Variants in SLC16A14 observed in about 807,000 individuals in gnomAD.
The protein encoded by SLC16A14 is monocarboxylate transporter 14.
Under a neutral mutation model 35.8 loss-of-function variants are expected in SLC16A14, and 14 were observed. That is an observed-to-expected ratio of 0.39 (90% confidence interval 0.26 to 0.61). SLC16A14 has a LOEUF of 0.61. Ranked by LOEUF, SLC16A14 falls within the 20% of genes least tolerant of loss-of-function variation. The pLI, the probability that SLC16A14 is intolerant of heterozygous loss-of-function variation, is 0.51. For missense variants in SLC16A14, 533 were observed against 655.0 expected, an observed-to-expected ratio of 0.81 and a Z score of 2.03; for synonymous variants, 248 against 258.9, an observed-to-expected ratio of 0.96 and a Z score of 0.40.
At chr2:230,055,888 T>C (rs2077699682) in intron 2 of SLC16A14, among the ~76,000 whole-genome samples, 1 of 152,224 alleles carries the variant, frequency 6.6e-6, no homozygotes, top group South Asian at 2.1e-4. Context: ...AGCTGGATTT[T>C]AAGTGTTCTA....
chr2:230,067,571 T>TCTCA (rs1269765776), intron 1 of SLC16A14, among the ~76,000 whole-genome samples: 26 of 143,822 alleles, frequency 1.8e-4, no homozygotes, highest in African/African-American at 7.2e-4. Context: ...TCTCTCTCTC[T>TCTCA]CACACACACA....
intron 2 of SLC16A14, among the ~76,000 whole-genome samples, chr2:230,057,840 A>C (rs990790229): frequency 2.0e-5 from 3 of 152,166 alleles, no homozygotes; most frequent in African/African-American, 7.2e-5. Flanking sequence ...CAGCCTGGCC[A>C]ACATGGTGAA....
At chr2:230,067,435 A>G (rs1452479934) in intron 1 of SLC16A14, among the ~76,000 whole-genome samples, 1 of 152,144 alleles carries the variant, frequency 6.6e-6, no homozygotes. Context: ...TAGAAAGGTT[A>G]AACTAGCAGG....
chr2:230,065,592 AT>A (rs1165069111), intron 1 of SLC16A14, among the ~76,000 whole-genome samples: 1 of 152,070 alleles, frequency 6.6e-6, no homozygotes, highest in Non-Finnish European at 1.5e-5. Flanking sequence ...GCCCCTATAG[AT>A]CTGCTGAGCA....
rs1307445163 is a variant in SLC16A14 at position 230,035,705 on chromosome 2, G to C, written c.*1675C>G. 1 of 152,112 alleles carries C rather than the reference G, an allele frequency of 6.6e-6. No individual in the cohort carries two copies. Among genetic ancestry groups the C allele is most frequent in the Non-Finnish European group, 1.5e-5 (1 of 68,016 alleles). The allele number at this position is 152,112 out of a possible 1,614,324, so 9.4% of individuals were successfully genotyped here. On this transcript the variant is annotated 3_prime_UTR_variant, in exon 5 of 5. Coordinates refer to ENST00000295190, the MANE Select transcript of SLC16A14 (RefSeq NM_152527.5). Reference sequence around the variant, plus strand: ...ATAATAATTTACAGGCAATTCCCGAGTCATTGGAGGTAATATTAAGTATAT... The same window carrying C: ...ATAATAATTTACAGGCAATTCCCGACTCATTGGAGGTAATATTAAGTATAT...
rs2077728923 is a variant in SLC16A14, at chr2:230,058,933, T to G, written c.259+161A>C. ...CAGGTGTGAGTCACCGTGCCTGGCC[T>G]AAAATGGTAAATTTTATGTTATGCA... On this transcript the variant is annotated intron_variant, in intron 2 of 4. Coordinates refer to ENST00000295190, the MANE Select transcript of SLC16A14 (RefSeq NM_152527.5). The G allele has an allele frequency of 4.2e-6, 4 of 947,794 alleles. No homozygotes were observed. In the South Asian group the frequency reaches 1.5e-4, roughly 35 times the overall value. The allele number at this position is 947,794 out of a possible 1,614,324, so 58.7% of individuals were successfully genotyped here.
intron 1 of SLC16A14, chr2:230,066,616 T>C (rs2077797122): frequency 2.3e-6 from 1 of 430,928 alleles, no homozygotes; most frequent in African/African-American, 2.1e-5. Context: ...TACAGCAGCG[T>C]AGAAAGTTTT....
At chr2:230,060,678 G>T (rs75068341) in intron 1 of SLC16A14, among the ~76,000 whole-genome samples, 42,229 of 150,398 alleles carry the variant, frequency 0.28, 6,381 homozygotes, top group African/African-American at 0.37. Context: ...ATTTTTCATG[G>T]TTTTTTTTGG....
intron 4 of SLC16A14, among the ~76,000 whole-genome samples, chr2:230,040,527 CATT>C (rs1294463994): frequency 2.0e-5 from 3 of 152,040 alleles, no homozygotes; most frequent in African/African-American, 7.2e-5. Flanking sequence ...CGGCCAAATT[CATT>C]ATTATTATTA....
intron 4 of SLC16A14, among the ~76,000 whole-genome samples, chr2:230,040,425 G>A (rs2077552066): frequency 6.6e-6 from 1 of 152,000 alleles, no homozygotes; most frequent in Non-Finnish European, 1.5e-5. Flanking sequence ...GTTTCCCCAT[G>A]TTGGCAAGGC....
Position 230,045,851 on chromosome 2 carries a change from C to G in SLC16A14, c.1275G>C (p.Met425Ile). 1 of 1,614,026 alleles carries G rather than the reference C, an allele frequency of 6.2e-7. No individual in the cohort carries two copies. Among genetic ancestry groups the G allele is most frequent in the Non-Finnish European group, 8.5e-7 (1 of 1,179,968 alleles). Residue 425 changes from methionine (M) to isoleucine (I), a missense_variant, in exon 4 of 5, where the codon ATG becomes ATC. Transcript: ENST00000295190. ...IGFSSGYFSLMPVVTEDLVGI... is the reference protein window; with the variant it reads ...IGFSSGYFSLIPVVTEDLVGI... The stretch of plus-strand genomic sequence containing the variant: ...CAACCAAGTCTTCAGTCACTACGGG[C>G]ATTAGGGAGAAATAACCACTGGAAA...
chr2:230,054,849 C>T (rs1378581140), intron 2 of SLC16A14, among the ~76,000 whole-genome samples: 1 of 149,848 alleles, frequency 6.7e-6, no homozygotes, highest in Admixed American at 6.7e-5. Flanking sequence ...GAGCCGAGAT[C>T]GTGCCACTGC....
In SLC16A14 at chr2:230,038,503, G is replaced by A. The variant is rs1028757117; in HGVS notation, c.1382-972C>T. 1.1e-4 allele frequency among the ~76,000 whole-genome samples: 16 copies of A among 152,226 alleles called. No individual in the cohort carries two copies. Among genetic ancestry groups the A allele is most frequent in the African/African-American group, 3.9e-4 (16 of 41,452 alleles). Reference sequence around the variant, plus strand: ...CCACATAGTCAACTACGCAAACTGAGAGGATTGAGTTACACACAAGAGTTT... The same window carrying A: ...CCACATAGTCAACTACGCAAACTGAAAGGATTGAGTTACACACAAGAGTTT... On this transcript the variant is annotated intron_variant, in intron 4 of 4. Coordinates refer to ENST00000295190, the MANE Select transcript of SLC16A14 (RefSeq NM_152527.5). The surrounding 1 kb of genome is among the most constrained non-coding windows in gnomAD (Gnocchi z 4.4).
Position 230,037,229 on chromosome 2 carries a change from T to C in SLC16A14, c.*151A>G, listed in dbSNP as rs1387374764. 5 of 599,312 alleles carry C rather than the reference T, an allele frequency of 8.3e-6. No homozygotes were observed. Among genetic ancestry groups the C allele is most frequent in the Non-Finnish European group, 1.4e-5 (5 of 360,188 alleles). 37.1% of individuals were successfully genotyped at this position (599,312 alleles called of 1,614,324 possible). A position where few individuals can be genotyped will look rare whatever the true frequency, so the allele number is the denominator to read the frequency against. On this transcript the variant is annotated 3_prime_UTR_variant, in exon 5 of 5. Coordinates refer to ENST00000295190, the MANE Select transcript of SLC16A14 (RefSeq NM_152527.5). ...CCCCAAACAGAGAGGCAGTGCTGCT[T>C]ACAAATGAGGCTGTGACAATGGCAT...
intron 4 of SLC16A14, among the ~76,000 whole-genome samples, chr2:230,040,421 C>T (rs2077552016): frequency 6.6e-6 from 1 of 152,058 alleles, no homozygotes; most frequent in Non-Finnish European, 1.5e-5. Context: ...CAGGGTTTCC[C>T]CATGTTGGCA....
chr2:230,050,031 T>C, intron 2 of SLC16A14, 127 bp from the exon 3 acceptor site: 2 of 1,060,404 alleles, frequency 1.9e-6, no homozygotes, highest in African/African-American at 1.6e-5. Context: ...AAAGCCCCCA[T>C]TGCTTTATAT....
intron 1 of SLC16A14, among the ~76,000 whole-genome samples, chr2:230,060,976 A>G (rs1426155446): frequency 1.3e-5 from 2 of 152,046 alleles, no homozygotes; most frequent in Non-Finnish European, 2.9e-5. Context: ...GTTGTGTAGG[A>G]GACTTAATGC....
At chr2:230,058,248 G>A (rs2106272668) in intron 2 of SLC16A14, 1 of 151,256 alleles carries the variant, frequency 6.6e-6, no homozygotes, top group South Asian at 2.1e-4. Flanking sequence ...GTTAAATTTA[G>A]CAGTCAGGGG....
At chr2:230,053,685 G>A (rs753726871) in intron 2 of SLC16A14, among the ~76,000 whole-genome samples, 2 of 152,158 alleles carry the variant, frequency 1.3e-5, no homozygotes, top group African/African-American at 2.4e-5. Flanking sequence ...GGAGGCTGAG[G>A]CAGGAGAATC....
Sources: allele counts gnomAD v4.1 joint callset (sites outside exome capture counted in the v4.1 genomes callset), GRCh38; gene constraint gnomAD v4.1.1; non-coding constraint Gnocchi (gnomAD v3.1); transcripts MANE v1.5; gene names NCBI Gene and HGNC (gene_info 2026-07-23, HGNC 2026-07-21).